SUMF1: variants seen among roughly 807,000 people sequenced by gnomAD.
SUMF1 encodes sulfatase modifying factor 1.
Under a neutral mutation model 47.6 loss-of-function variants are expected in SUMF1, and 48 were observed. That is an observed-to-expected ratio of 1.01 (90% CI 0.80 to 1.28). The LOEUF is 1.28. Ranked by LOEUF, SUMF1 falls within the 50% of genes most tolerant of loss-of-function variation. SUMF1 has a pLI of 0.00. For missense variants in SUMF1, 571 were observed against 485.4 expected (o/e 1.18, Z -1.66); for synonymous variants, 230 against 192.1 (o/e 1.20, Z -1.63).
At chr3:4,131,960 C>A (rs1399212781) in intron 8 of SUMF1, among the ~76,000 whole-genome samples, 1 of 152,116 alleles carries the variant, frequency 6.6e-6, no homozygotes, top group Non-Finnish European at 1.5e-5. Context: ...CCAAGGCCGA[C>A]CTGGCTACAG....
chr3:4,362,344 C>T lies in SUMF1; in HGVS notation c.1015-90G>A, dbSNP rs1013902670. 5.7e-6 allele frequency: 6 copies of T among 1,060,914 alleles called. No homozygotes were observed. The African/African-American group carries it at 9.4e-5, about 17-fold the overall frequency. 65.7% of individuals were successfully genotyped at this position (1,060,914 alleles called of 1,614,324 possible). A position where few individuals can be genotyped will look rare whatever the true frequency, so the allele number is the denominator to read the frequency against. On this transcript the variant is annotated intron_variant, in intron 8 of 8. Coordinates refer to ENST00000272902, the MANE Select transcript of SUMF1 (RefSeq NM_182760.4). ...AGATGCATATTGCACCGGCTGTAGA[C>T]AGTGCTTCCCCACAACCCTGCCTGT...
At chr3:4,347,081 CA>C (rs1444261118) in intron 8 of SUMF1, among the ~76,000 whole-genome samples, 3 of 152,196 alleles carry the variant, frequency 2.0e-5, no homozygotes, top group Non-Finnish European at 4.4e-5. Context: ...CAGACAGATT[CA>C]CAGCTGGATT....
chr3:4,053,650 G>A (rs572688822), intron 9 of SUMF1, among the ~76,000 whole-genome samples: 6 of 152,080 alleles, frequency 3.9e-5, no homozygotes, highest in Admixed American at 6.6e-5. Flanking sequence ...ACTGCCCTCC[G>A]AACTGTGACA....
intron 9 of SUMF1, among the ~76,000 whole-genome samples, chr3:4,049,385 G>C (rs1028540456): frequency 6.6e-6 from 1 of 152,164 alleles, no homozygotes; most frequent in Non-Finnish European, 1.5e-5. Context: ...TTACTCCACA[G>C]CAGGGAGCTC....
At chr3:4,359,746 T>C (rs950373465), downstream of SUMF1, among the ~76,000 whole-genome samples, 3 of 152,062 alleles carry the variant, frequency 2.0e-5, no homozygotes, top group Non-Finnish European at 4.4e-5. Flanking sequence ...GCCCCCATGA[T>C]TCAATTACTC....
chr3:4,340,094 G>C (rs1178943899), intron 8 of SUMF1, among the ~76,000 whole-genome samples: 1 of 142,508 alleles, frequency 7.0e-6, no homozygotes, highest in Non-Finnish European at 1.5e-5. Flanking sequence ...CACACACACA[G>C]GCACCAATGT....
chr3:4,194,689 C>T (rs368470466), intron 8 of SUMF1, among the ~76,000 whole-genome samples: 1 of 152,122 alleles, frequency 6.6e-6, no homozygotes, highest in East Asian at 1.9e-4. Context: ...GCACAGCAAA[C>T]AGTCAATAAA....
At chr3:4,373,939 T>C (rs976423867) in intron 8 of SUMF1, among the ~76,000 whole-genome samples, 4 of 152,154 alleles carry the variant, frequency 2.6e-5, no homozygotes, top group Non-Finnish European at 5.9e-5. Flanking sequence ...AAAATCATAT[T>C]ATCATCTCAA....
At chr3:4,252,094 G>T (rs1011831260) in intron 8 of SUMF1, among the ~76,000 whole-genome samples, 1 of 152,048 alleles carries the variant, frequency 6.6e-6, no homozygotes, top group Non-Finnish European at 1.5e-5. Flanking sequence ...ATTTCCTCAT[G>T]GTCCTCACCC....
chr3:4,257,667 A>C (rs1174769738), intron 8 of SUMF1, among the ~76,000 whole-genome samples: 12 of 142,418 alleles, frequency 8.4e-5, no homozygotes, highest in African/African-American at 2.8e-4. Flanking sequence ...AATCAATATC[A>C]TGAAAATGGC....
At chr3:4,040,594 T>C (rs1332180491) in intron 9 of SUMF1, among the ~76,000 whole-genome samples, 3 of 152,158 alleles carry the variant, frequency 2.0e-5, no homozygotes, top group African/African-American at 7.2e-5. Flanking sequence ...TAGAAGGAAG[T>C]TTAACAGACA....
chr3:4,251,519 T>C (rs765834039), intron 8 of SUMF1, among the ~76,000 whole-genome samples: 1 of 152,222 alleles, frequency 6.6e-6, no homozygotes, highest in South Asian at 2.1e-4. Context: ...ATGCACATCA[T>C]CACATGCTTT....
At chr3:4,289,122 G>C (rs990549707) in intron 8 of SUMF1, among the ~76,000 whole-genome samples, 1 of 152,168 alleles carries the variant, frequency 6.6e-6, no homozygotes, top group Non-Finnish European at 1.5e-5. Context: ...AACCAGAACT[G>C]AACAACACTG....
At chr3:4,422,212 GGT>G (rs896362373) in intron 3 of SUMF1, among the ~76,000 whole-genome samples, 2 of 152,040 alleles carry the variant, frequency 1.3e-5, no homozygotes, top group Non-Finnish European at 2.9e-5. Context: ...TGCAGGTTTA[GGT>G]GCCCATGACA....
At chr3:4,344,781 C>G (rs1038478883) in intron 8 of SUMF1, among the ~76,000 whole-genome samples, 6 of 151,984 alleles carry the variant, frequency 3.9e-5, no homozygotes, top group African/African-American at 1.5e-4. Flanking sequence ...AGCTAAGAAC[C>G]TTGATAAGAG....
intron 4 of SUMF1, among the ~76,000 whole-genome samples, chr3:4,418,425 C>A (rs1424106732): frequency 1.3e-5 from 2 of 152,240 alleles, no homozygotes; most frequent in East Asian, 3.8e-4. Context: ...TGCGGAGATA[C>A]TCCAGCTGCT....
At chr3:4,376,490 G>C in intron 7 of SUMF1, 101 bp from the exon 8 acceptor site, 2 of 1,244,098 alleles carry the variant, frequency 1.6e-6, no homozygotes, top group Non-Finnish European at 2.4e-6. Flanking sequence ...TCTCATGGTT[G>C]CCTAAACTCT....
intron 8 of SUMF1, among the ~76,000 whole-genome samples, chr3:4,124,129 T>A (rs1222710737): frequency 6.6e-6 from 1 of 152,192 alleles, no homozygotes; most frequent in African/African-American, 2.4e-5. Flanking sequence ...TGTCTTTTTC[T>A]TTCCAAAAAA....
At chr3:4,099,314 A>G (rs1299564111) in intron 8 of SUMF1, among the ~76,000 whole-genome samples, 4 of 152,158 alleles carry the variant, frequency 2.6e-5, no homozygotes, top group African/African-American at 7.2e-5. Context: ...ACATACATAA[A>G]TCAATAAATG....
Sources: allele counts gnomAD v4.1 joint callset (sites outside exome capture counted in the v4.1 genomes callset), GRCh38; gene constraint gnomAD v4.1.1; transcripts MANE v1.5; gene names NCBI Gene and HGNC (gene_info 2026-07-23, HGNC 2026-07-21).